The following CBARP variants were observed in gnomAD, a reference collection of about 807,000 sequenced individuals.
CBARP encodes the protein CACN subunit beta associated regulatory protein.
CBARP carries 24 observed loss-of-function variants against 36.3 expected under a neutral mutation model. The ratio of observed to expected loss-of-function variants is 0.66; its 90% confidence interval spans 0.48 to 0.93. CBARP has a LOEUF of 0.93. Among genes scored for constraint, CBARP ranks in the 40% least tolerant of loss-of-function variants. The pLI, the probability that CBARP is intolerant of heterozygous loss-of-function variation, is 0.00. For missense variants in CBARP, 1,146 were observed against 980.4 expected (o/e 1.17, Z -2.26); for synonymous variants, 586 against 453.2 (o/e 1.29, Z -3.72).
Position 1,229,373 on chromosome 19 carries a change from C to G in CBARP, c.1924G>C (p.Val642Leu). 8.7e-7 allele frequency: 1 copy of G among 1,150,972 alleles called. No individual in the cohort carries two copies. The highest frequency in any genetic ancestry group is 1.1e-6 in the Non-Finnish European group (1 of 918,280). 71.3% of individuals were successfully genotyped at this position (1,150,972 alleles called of 1,614,324 possible). Residue 642 changes from valine to leucine, a missense_variant, in exon 10 of 10, where the codon GTC becomes CTC. Coordinates refer to ENST00000650044, the MANE Select transcript of CBARP (RefSeq NM_001393918.1). This position sits in a 1 kb window ranked among gnomAD's most constrained non-coding sequence, Gnocchi z 5.1. Reference protein sequence around the residue: ...GGAGDDPAIPVIEEEPGGGGC... With the variant: ...GGAGDDPAIPLIEEEPGGGGC... ...CCGCCGCCCGGCTCCTCCTCGATGA[C>G]GGGGATGGCGGGGTCGTCGCCGGCG...
At chr19:1,236,229 A>G (rs2080971016) in intron 1 of CBARP, 108 bp from the exon 2 acceptor site, 3 of 1,334,050 alleles carry the variant, frequency 2.2e-6, no homozygotes, top group East Asian at 3.0e-5. Flanking sequence ...CACAGGGGGC[A>G]GTGACTCATG....
intron 7 of CBARP, 117 bp downstream of exon 7, chr19:1,234,073 CA>C: frequency 8.0e-7 from 1 of 1,246,928 alleles, no homozygotes; most frequent in Non-Finnish European, 1.0e-6. Context: ...CCCGGCGGGC[CA>C]AGGAGGGCTG....
chr19:1,233,455 C>T lies in CBARP; in HGVS notation c.950G>A (p.Ser317Asn). ...CGTGTCCAGACTGGCTGCCCGCTGG[C>T]TGGGCTCCAGCTTCCACTTCTTGAC... ...FKVKKWKLEP[S>N]QRAASLDTRG... The change falls in exon 8 of 10, where the codon AGC becomes AAC. Residue 317 changes from serine to asparagine, a missense_variant. Physicochemically the swap from Ser to Asn is conservative, Grantham distance 46. Coordinates refer to ENST00000650044, the MANE Select transcript of CBARP (RefSeq NM_001393918.1). 6.3e-7 allele frequency: 1 copy of T among 1,598,686 alleles called. No individual in the cohort carries two copies. Among genetic ancestry groups the T allele is most frequent in the Non-Finnish European group, 8.5e-7 (1 of 1,173,166 alleles).
chr19:1,234,518 C>A (rs1351629141), intron 6 of CBARP, 53 bp downstream of exon 6: 1 of 1,536,700 alleles, frequency 6.5e-7, no homozygotes, highest in Non-Finnish European at 8.8e-7. Flanking sequence ...CCGGGAGTCC[C>A]CGGGGCTGCC....
At position 1,234,620 on chromosome 19, in the gene CBARP, G is replaced by C. The variant is rs780697251; in HGVS notation, c.578C>G (p.Thr193Ser). The C allele has an allele frequency of 8.1e-6, 13 of 1,609,734 alleles. No homozygotes were observed. The Admixed American group carries it at 1.5e-4, about 19-fold the overall frequency. ...ECDSGEASSA[T>S]TPHPATSPKA... The stretch of plus-strand genomic sequence containing the variant: ...GGGAGAGGTGGCCGGGTGGGGCGTG[G>C]TGGCTGAGCTGGCCTCGCCTGAGTC... Residue 193 changes from threonine to serine, a missense_variant, in exon 6 of 10, where the codon ACC becomes AGC. Thr to Ser is a moderately conservative substitution (Grantham distance 58). Coordinates refer to ENST00000650044, the MANE Select transcript of CBARP (RefSeq NM_001393918.1).
chr19:1,233,239 C>T (rs370801448), intron 8 of CBARP, among the ~76,000 whole-genome samples, 187 bp downstream of exon 8: 68 of 152,346 alleles, frequency 4.5e-4, no homozygotes, highest in African/African-American at 1.6e-3. Flanking sequence ...CGCCCGCACA[C>T]TCAGCCCTCC....
chr19:1,236,519 TC>T (rs1368582042), intron 1 of CBARP, among the ~76,000 whole-genome samples: 1 of 151,746 alleles, frequency 6.6e-6, no homozygotes, highest in African/African-American at 2.4e-5. Flanking sequence ...AGACGCCCTG[TC>T]CGCCCCATCA....
Position 1,230,078 on chromosome 19 carries a change from T to C in CBARP, c.1219A>G (p.Ser407Gly). The change falls in exon 10 of 10, where the codon AGC becomes GGC. Residue 407 changes from serine (S) to glycine (G), a missense_variant. Coordinates refer to ENST00000650044, the MANE Select transcript of CBARP (RefSeq NM_001393918.1). ...GGCTGCTGCTGCTCAGGCCCCGCGC[T>C]GCCCGCGCCGCGCTCCGGGGGGGAA... ...PDSPPERGAG[S>G]AGPEQQQPPL... 1 of 1,115,414 alleles carries C rather than the reference T, an allele frequency of 9.0e-7. No individual in the cohort carries two copies. Among genetic ancestry groups the C allele is most frequent in the Non-Finnish European group, 1.1e-6 (1 of 906,096 alleles). 69.1% of individuals were successfully genotyped at this position (1,115,414 alleles called of 1,614,324 possible).
chr19:1,237,130 G>A (rs998293649), intron 1 of CBARP, among the ~76,000 whole-genome samples: 4 of 152,226 alleles, frequency 2.6e-5, no homozygotes, highest in African/African-American at 9.6e-5. Context: ...CGGAGCGAGA[G>A]GAGCGCACAG....
rs762212198 is a variant in CBARP, at chr19:1,233,671, C to T, written c.769-35G>A. 1.1e-5 allele frequency: 17 copies of T among 1,571,394 alleles called. No homozygotes were observed. The South Asian group carries it at 1.6e-4, about 15-fold the overall frequency. ...AACAGAGATGGCGCTCAGGCTAAGACTTCTTCCTGGGCCCGTGTGCTGGCC... is the reference window on the plus strand; with the variant it reads ...AACAGAGATGGCGCTCAGGCTAAGATTTCTTCCTGGGCCCGTGTGCTGGCC... On this transcript the variant is annotated intron_variant, in intron 7 of 9. Transcript: ENST00000650044.
In CBARP at chr19:1,229,724, G is replaced by C; in HGVS notation, c.1573C>G (p.Arg525Gly). The C allele has an allele frequency of 2.0e-6, 2 of 983,350 alleles. No homozygotes were observed. Among genetic ancestry groups the C allele is most frequent in the South Asian group, 4.2e-5 (1 of 23,552 alleles). The allele number at this position is 983,350 out of a possible 1,614,324, so 60.9% of individuals were successfully genotyped here. ...GGCCAGGCGCGCGGGCTGCGGGGCC[G>C]GGCGGGCGCGGCAGGTGGCTCGGTG... Reference protein sequence around the residue: ...DDTEPPAAPARPRSPRAWPRR... With the variant: ...DDTEPPAAPAGPRSPRAWPRR... The change falls in exon 10 of 10, where the codon CGG (arginine) becomes GGG (glycine). Residue 525 changes from arginine to glycine, a missense_variant. Coordinates refer to ENST00000650044, the MANE Select transcript of CBARP (RefSeq NM_001393918.1). This position sits in a 1 kb window ranked among gnomAD's most constrained non-coding sequence, Gnocchi z 5.1.
intron 8 of CBARP, among the ~76,000 whole-genome samples, chr19:1,233,107 C>T (rs2080915335): frequency 6.6e-6 from 1 of 152,220 alleles, no homozygotes; most frequent in African/African-American, 2.4e-5. Flanking sequence ...CCACAGTGAC[C>T]AGGTGGCCCC....
intron 9 of CBARP, chr19:1,230,398 G>A (rs1421919591): frequency 1.0e-6 from 1 of 987,648 alleles, no homozygotes; most frequent in Non-Finnish European, 1.2e-6. Flanking sequence ...CCCTCCCTTG[G>A]AAGCCCCCAG....
intron 1 of CBARP, among the ~76,000 whole-genome samples, chr19:1,236,531 C>G (rs2080976130): frequency 6.6e-6 from 1 of 152,020 alleles, no homozygotes; most frequent in Non-Finnish European, 1.5e-5. Flanking sequence ...CGCCCCATCA[C>G]GGGGGTGGGG....
At chr19:1,231,845 G>C (rs1211631006) in intron 8 of CBARP, among the ~76,000 whole-genome samples, 1 of 152,018 alleles carries the variant, frequency 6.6e-6, no homozygotes, top group Admixed American at 6.5e-5. Flanking sequence ...AGCCTGAGCA[G>C]GGCAGGGCCA....
Position 1,229,029 on chromosome 19 carries a change from G to C in CBARP, c.*150C>G, listed in dbSNP as rs2080854352. 5.9e-6 allele frequency: 1 copy of C among 168,166 alleles called. No individual in the cohort carries two copies. The highest frequency in any genetic ancestry group is 1.2e-5 in the Non-Finnish European group (1 of 85,650). 10.4% of individuals were successfully genotyped at this position (168,166 alleles called of 1,614,324 possible). A position where few individuals can be genotyped will look rare whatever the true frequency, so the allele number is the denominator to read the frequency against. On this transcript the variant is annotated 3_prime_UTR_variant, in exon 10 of 10. Transcript: ENST00000650044. The surrounding 1 kb of genome is among the most constrained non-coding windows in gnomAD (Gnocchi z 5.1). ...CTCTGCGCCTGCGCCCTGAAGCGGC[G>C]AGCGCGCCTCCGTCGCCCGGCGCGT...
chr19:1,234,199 CT>C lies in CBARP; in HGVS notation c.759del (p.Gly254AlafsTer133). The stretch of plus-strand genomic sequence containing the variant: ...CACGCAGGGGCCCTCACCGAGGTGC[CT>C]TCCCCAGAGTCGCTAGATGCCGAGG... The part of the protein sequence containing the change: ...ISPSASSDSG[E>X]GTSLDAGTRS... On this transcript the variant is annotated frameshift_variant, in exon 7 of 10. Coordinates refer to ENST00000650044, the MANE Select transcript of CBARP (RefSeq NM_001393918.1). LOFTEE classifies it high-confidence loss of function. The C allele has an allele frequency of 6.6e-7, 1 of 1,522,790 alleles. No individual in the cohort carries two copies. The highest frequency in any genetic ancestry group is 8.8e-7 in the Non-Finnish European group (1 of 1,139,842). The allele number at this position is 1,522,790 out of a possible 1,614,324, so 94.3% of individuals were successfully genotyped here.
intron 7 of CBARP, 104 bp from the exon 8 acceptor site, chr19:1,233,740 T>A: frequency 2.7e-6 from 3 of 1,126,742 alleles, no homozygotes; most frequent in African/African-American, 1.6e-5. Flanking sequence ...GGGCCCCCCA[T>A]CACTGGGACA....
chr19:1,233,688 G>C, intron 7 of CBARP, 52 bp from the exon 8 acceptor site: 1 of 1,524,314 alleles, frequency 6.6e-7, no homozygotes, highest in South Asian at 1.2e-5. Flanking sequence ...CTGGGCCCGT[G>C]TGCTGGCCCC....
Sources: gnomAD v4.1 joint callset for allele counts (sites outside exome capture counted in the v4.1 genomes callset) on GRCh38, gnomAD v4.1.1 for gene constraint, Gnocchi (gnomAD v3.1) non-coding constraint, MANE v1.5 for transcripts, NCBI Gene and HGNC (gene_info 2026-07-23, HGNC 2026-07-21) for gene names.